MOK: variants seen among roughly 807,000 people sequenced by gnomAD.
MOK encodes the protein MAPK/MAK/MRK overlapping kinase.
MOK carries 59 observed loss-of-function variants against 54.2 expected under a neutral mutation model. That is an observed-to-expected ratio of 1.09 (90% CI 0.88 to 1.35). The LOEUF (loss-of-function observed/expected upper bound fraction) is 1.35. MOK is among the 40% of genes most tolerant of loss of function. The pLI, the probability that MOK is intolerant of heterozygous loss-of-function variation, is 0.00. For synonymous variants in MOK, 210 were observed against 202.7 expected (o/e 1.04, Z -0.31); for missense variants, 517 against 526.2 (o/e 0.98, Z 0.17).
At chr14:102,247,701 C>A (rs1255695544) in intron 7 of MOK, among the ~76,000 whole-genome samples, 1 of 152,208 alleles carries the variant, frequency 6.6e-6, no homozygotes, top group East Asian at 1.9e-4. Flanking sequence ...GAGGCGTAGA[C>A]CGACTCACAG....
intron 7 of MOK, among the ~76,000 whole-genome samples, chr14:102,248,553 C>T (rs949068697): frequency 3.3e-5 from 5 of 151,846 alleles, no homozygotes; most frequent in Non-Finnish European, 4.4e-5. Flanking sequence ...CTGAGGCGGG[C>T]GGATCACGAG....
At chr14:102,241,584 G>A (rs1057352788) in intron 7 of MOK, among the ~76,000 whole-genome samples, 9 of 152,000 alleles carry the variant, frequency 5.9e-5, no homozygotes, top group African/African-American at 1.9e-4. Flanking sequence ...ATGCTTTACC[G>A]CCCTAGACCC....
chr14:102,224,798 G>C (rs755447053), downstream of MOK: 1 of 456,024 alleles, frequency 2.2e-6, no homozygotes, highest in Non-Finnish European at 4.4e-6. Flanking sequence ...GAGTCTTCTA[G>C]AAAGAGAAAT....
chr14:102,227,561 T>C (rs1258476598), downstream of MOK, among the ~76,000 whole-genome samples: 1 of 152,154 alleles, frequency 6.6e-6, no homozygotes, highest in East Asian at 1.9e-4. Context: ...CACTGCACCC[T>C]GCTCTGGAAC....
intron 1 of MOK, among the ~76,000 whole-genome samples, chr14:102,290,146 A>AC: frequency 2.0e-5 from 3 of 149,950 alleles, no homozygotes; most frequent in African/African-American, 7.5e-5. Context: ...ACTTAGAGAA[A>AC]AAAAAAAAAA....
chr14:102,296,802 G>A (rs1304698207), intron 1 of MOK, among the ~76,000 whole-genome samples: 3 of 152,124 alleles, frequency 2.0e-5, no homozygotes, highest in Non-Finnish European at 2.9e-5. Flanking sequence ...GCTCACACCT[G>A]TAATCCCAGC....
chr14:102,224,319 C>T (rs1384169340), downstream of MOK, among the ~76,000 whole-genome samples: 3 of 152,034 alleles, frequency 2.0e-5, no homozygotes, highest in African/African-American at 4.8e-5. Flanking sequence ...GGATTACAGG[C>T]GTGAGCCACT....
Position 102,270,114 on chromosome 14 carries a change from C to A in MOK, c.123-4202G>T, listed in dbSNP as rs74956898. ...CAATGGATTAAATTAGAAATCAGTACAGTAAGTTATCTAGAAAAGTCTCAA... is the reference window on the plus strand; with the variant it reads ...CAATGGATTAAATTAGAAATCAGTAAAGTAAGTTATCTAGAAAAGTCTCAA... On this transcript the variant is annotated intron_variant, in intron 2 of 11. Transcript: ENST00000361847. Among the ~76,000 whole-genome samples, 10 of 152,138 alleles carry A rather than the reference C, an allele frequency of 6.6e-5. No individual in the cohort carries two copies. In the East Asian group the frequency reaches 9.7e-4, roughly 15 times the overall value.
downstream of MOK, among the ~76,000 whole-genome samples, chr14:102,220,719 CAAAAAAAA>C (rs35097607): frequency 4.5e-5 from 5 of 111,714 alleles, no homozygotes; most frequent in Non-Finnish European, 5.8e-5. This position sits in a 1 kb window ranked among gnomAD's most constrained non-coding sequence, Gnocchi z 4.2. Flanking sequence ...GACTCCGTCT[CAAAAAAAA>C]AAAAAAAAAA....
chr14:102,294,896 G>A (rs1355459765), intron 1 of MOK, among the ~76,000 whole-genome samples: 1 of 152,176 alleles, frequency 6.6e-6, no homozygotes, highest in Non-Finnish European at 1.5e-5. Flanking sequence ...CCGCACTGGA[G>A]GTGTCTGTTG....
chr14:102,259,828 G>A (rs1323957629), intron 4 of MOK, among the ~76,000 whole-genome samples: 6 of 151,818 alleles, frequency 4.0e-5, no homozygotes, highest in African/African-American at 7.3e-5. Flanking sequence ...GGCAGATCAC[G>A]AGGTCAAGAG....
At chr14:102,234,959 C>T (rs1054159708) in intron 7 of MOK, 5 of 152,490 alleles carry the variant, frequency 3.3e-5, no homozygotes, top group African/African-American at 7.2e-5. Context: ...CGACTCACCT[C>T]CTGCTCCCCT....
rs1488986103 is a variant in MOK, at chr14:102,231,032, A to G, written c.981+675T>C. ...CGGTAAAGGCTGGGAGGAGCGAGTG[A>G]CGTACGGACGACCGAACAGACGAAT... On this transcript the variant is annotated intron_variant, in intron 10 of 11. Coordinates refer to ENST00000361847, the MANE Select transcript of MOK (RefSeq NM_014226.3). The surrounding 1 kb of genome is among the most constrained non-coding windows in gnomAD (Gnocchi z 4.4). 2.6e-5 allele frequency: 4 copies of G among 152,236 alleles called. No homozygotes were observed. Among genetic ancestry groups the G allele is most frequent in the African/African-American group, 4.8e-5 (2 of 41,436 alleles). 9.4% of individuals were successfully genotyped at this position (152,236 alleles called of 1,614,324 possible). A position where few individuals can be genotyped will look rare whatever the true frequency, so the allele number is the denominator to read the frequency against.
Position 102,257,826 on chromosome 14 carries a change from A to G in MOK, c.283+5720T>C, listed in dbSNP as rs140624616. 7.3e-3 allele frequency among the ~76,000 whole-genome samples: 1,107 copies of G among 152,128 alleles called. 14 individuals carry two copies. Among genetic ancestry groups the G allele is most frequent in the African/African-American group, 0.025 (1,057 of 41,478 alleles). On this transcript the variant is annotated intron_variant, in intron 4 of 11. Coordinates refer to ENST00000361847, the MANE Select transcript of MOK (RefSeq NM_014226.3). ...ACCCCGTCTCTACTAAAAATACAAA[A>G]ATTAGCAGGGCGTGGTGGCACGCAC...
chr14:102,239,099 A>C (rs569354965), intron 7 of MOK, among the ~76,000 whole-genome samples: 3 of 152,294 alleles, frequency 2.0e-5, no homozygotes, highest in Admixed American at 2.0e-4. Context: ...CCCTCGCTCC[A>C]ATCAATCAGA....
rs765070267 is a variant in MOK, at chr14:102,232,530, C to T, written c.866+5G>A. ...CTGCCCCACCGAACCCACGAGAGTGCCTACCTCTGTTCTTGGAAGTAGGGG... is the reference window on the plus strand; with the variant it reads ...CTGCCCCACCGAACCCACGAGAGTGTCTACCTCTGTTCTTGGAAGTAGGGG... On this transcript the variant is annotated splice_donor_5th_base_variant and intron_variant, in intron 9 of 11. Coordinates refer to ENST00000361847, the MANE Select transcript of MOK (RefSeq NM_014226.3). This position sits in a 1 kb window ranked among gnomAD's most constrained non-coding sequence, Gnocchi z 5.1. 58 of 1,611,428 alleles carry T rather than the reference C, an allele frequency of 3.6e-5. No individual in the cohort carries two copies. Among genetic ancestry groups the T allele is most frequent in the Non-Finnish European group, 4.6e-5 (54 of 1,178,338 alleles).
chr14:102,261,951 C>T (rs1476673416), intron 4 of MOK, among the ~76,000 whole-genome samples: 1 of 150,752 alleles, frequency 6.6e-6, no homozygotes, highest in Non-Finnish European at 1.5e-5. Flanking sequence ...CACCATTCTC[C>T]TGCCTCAGCC....
intron 2 of MOK, chr14:102,283,175 T>TA (rs5811064): frequency 0.061 from 12,457 of 204,110 alleles, 514 homozygotes; most frequent in African/African-American, 0.14. Flanking sequence ...TTTTTTTAAT[T>TA]AAAAAAAAAA....
At position 102,231,857 on chromosome 14, in the gene MOK, T is replaced by C. The variant is rs980974335; in HGVS notation, c.867-36A>G. The C allele has an allele frequency of 1.0e-5, 16 of 1,574,380 alleles. No homozygotes were observed. The highest frequency in any genetic ancestry group is 1.3e-5 in the Non-Finnish European group (15 of 1,146,464). On this transcript the variant is annotated intron_variant, in intron 9 of 11. Coordinates refer to ENST00000361847, the MANE Select transcript of MOK (RefSeq NM_014226.3). The surrounding 1 kb of genome is among the most constrained non-coding windows in gnomAD (Gnocchi z 4.4). ...GGAGAAGAGAATGGAGCAGCTCCAC[T>C]GAGAGCCCGCAGAGCACACGGCCTA...
Sources: gnomAD v4.1 joint callset for allele counts (sites outside exome capture counted in the v4.1 genomes callset) on GRCh38, gnomAD v4.1.1 for gene constraint, Gnocchi (gnomAD v3.1) non-coding constraint, MANE v1.5 for transcripts, NCBI Gene and HGNC (gene_info 2026-07-23, HGNC 2026-07-21) for gene names.